THAP4: variants seen among roughly 807,000 people sequenced by gnomAD.
THAP4 encodes peroxynitrite isomerase THAP4.
In THAP4, 18 loss-of-function variants were observed where a neutral mutation model predicts 48.1. The observed-to-expected ratio is 0.37, with a 90% CI of 0.26 to 0.56. The LOEUF is 0.56. THAP4 is among the 20% of genes least tolerant of loss of function. The pLI is 0.78. For missense variants in THAP4, 656 were observed against 774.9 expected (o/e 0.85, Z 1.82); for synonymous variants, 345 against 324.9 (o/e 1.06, Z -0.66).
chr2:241,588,129 T>C (rs914760219), intron 5 of THAP4, among the ~76,000 whole-genome samples: 1 of 152,032 alleles, frequency 6.6e-6, no homozygotes, highest in Admixed American at 6.6e-5. Flanking sequence ...ACGAGATCAA[T>C]ATACAACAGC....
Position 241,601,760 on chromosome 2 carries a change from A to G in THAP4, c.1614+136T>C. 2.7e-6 allele frequency: 4 copies of G among 1,505,906 alleles called. No homozygotes were observed. The highest frequency in any genetic ancestry group is 3.6e-6 in the Non-Finnish European group (4 of 1,112,408). 93.3% of individuals were successfully genotyped at this position (1,505,906 alleles called of 1,614,324 possible). A position where few individuals can be genotyped will look rare whatever the true frequency, so the allele number is the denominator to read the frequency against. On this transcript the variant is annotated intron_variant, in intron 5 of 5. Coordinates refer to ENST00000407315, the MANE Select transcript of THAP4 (RefSeq NM_015963.6). The surrounding 1 kb of genome is among the most constrained non-coding windows in gnomAD (Gnocchi z 4.0). ...CACCCTGGATGGTCCGAGAAGGGAA[A>G]AGAAGGAGACAGTGAAGACAGGCCT...
intron 2 of THAP4, among the ~76,000 whole-genome samples, chr2:241,627,307 T>C (rs574719172): frequency 6.6e-6 from 1 of 152,324 alleles, no homozygotes; most frequent in African/African-American, 2.4e-5. Context: ...GAAAACAGAT[T>C]TTGAAGCAAG....
intron 2 of THAP4, among the ~76,000 whole-genome samples, chr2:241,614,036 C>T (rs982757305): frequency 2.6e-4 from 40 of 151,954 alleles, no homozygotes; most frequent in African/African-American, 9.4e-4. Flanking sequence ...TGTCTGTAGC[C>T]CCCGCTACTT....
chr2:241,628,242 A>T (rs755599334), intron 2 of THAP4, among the ~76,000 whole-genome samples: 1 of 150,132 alleles, frequency 6.7e-6, no homozygotes, highest in African/African-American at 2.4e-5. Context: ...CCCCTCTCTC[A>T]GCGAGGCCTG....
At chr2:241,596,998 A>G (rs995298493) in intron 5 of THAP4, among the ~76,000 whole-genome samples, 2 of 152,160 alleles carry the variant, frequency 1.3e-5, no homozygotes, top group African/African-American at 4.8e-5. Context: ...TTATAAACAT[A>G]TTTTTATTTT....
Position 241,595,425 on chromosome 2 carries a change from G to T in THAP4, c.1614+6471C>A, listed in dbSNP as rs576161651. Among the ~76,000 whole-genome samples, 172 of 152,090 alleles carry T rather than the reference G, an allele frequency of 1.1e-3. 1 individual carries two copies. The highest frequency in any genetic ancestry group is 3.7e-3 in the African/African-American group (155 of 41,520). ...GGCTGAGCTGGGCGGATCACCTAAG[G>T]TCAGGAGTTCAAGACCAGCCTGACC... On this transcript the variant is annotated intron_variant, in intron 5 of 5. Transcript: ENST00000407315.
intron 5 of THAP4, among the ~76,000 whole-genome samples, chr2:241,586,874 CAT>C (rs984681140): frequency 4.6e-5 from 7 of 152,128 alleles, no homozygotes; most frequent in Admixed American, 2.6e-4. Flanking sequence ...AGACTGAACA[CAT>C]GTGTAACCAG....
chr2:241,626,774 G>A (rs1381288292), intron 2 of THAP4, among the ~76,000 whole-genome samples: 1 of 152,054 alleles, frequency 6.6e-6, no homozygotes, highest in Non-Finnish European at 1.5e-5. Flanking sequence ...CTGTTGGCCA[G>A]GCTGGTCTCA....
upstream of THAP4, chr2:241,637,533 G>A (rs551422124): frequency 1.0e-5 from 15 of 1,449,640 alleles, no homozygotes; most frequent in African/African-American, 1.2e-4. Flanking sequence ...GCGCCCCGGG[G>A]CTCGCGTCGG....
At position 241,606,392 on chromosome 2, in the gene THAP4, G is replaced by A. The variant is rs903600185; in HGVS notation, c.1322C>T (p.Thr441Ile). 1 of 1,599,826 alleles carries A rather than the reference G, an allele frequency of 6.3e-7. No individual in the cohort carries two copies. The highest frequency in any genetic ancestry group is 8.5e-7 in the Non-Finnish European group (1 of 1,173,258). ...CTGGAAGGGCTGCAGTGTGGGGTAG[G>A]TCCCGGCTCCAGGTGGGTCCGACAG... ...TWLSDPPGAG[T>I]YPTLQPFQYL... Residue 441 changes from threonine (T) to isoleucine (I), a missense_variant, in exon 3 of 6, where the codon ACC becomes ATC. Thr to Ile is a moderately conservative substitution (Grantham distance 89, BLOSUM62 -1). This residue lies in a region of THAP4 where 176 missense variants were observed against 256.7 expected (regional missense o/e 0.69). Coordinates refer to ENST00000407315, the MANE Select transcript of THAP4 (RefSeq NM_015963.6).
chr2:241,585,917 AAAAAAAAAAAAAG>A lies in THAP4; in HGVS notation c.1615-1205_1615-1193del, dbSNP rs1431834479. ...GACAGAGCAAGACTCCTTCTCAAAA[AAAAAAAAAAAAAG>A]AAAAAAAAAAGAAAAAGAAAAAGAA... On this transcript the variant is annotated intron_variant, in intron 5 of 5. Transcript: ENST00000407315. Among the ~76,000 whole-genome samples, 553 of 143,068 alleles carry A rather than the reference AAAAAAAAAAAAAG, an allele frequency of 3.9e-3. 6 individuals carry two copies. Among genetic ancestry groups the A allele is most frequent in the Non-Finnish European group, 6.6e-3 (437 of 65,770 alleles). The allele number at this position is 143,068 out of a possible 152,430, so 93.9% of individuals were successfully genotyped here. A position where few individuals can be genotyped will look rare whatever the true frequency, so the allele number is the denominator to read the frequency against.
chr2:241,592,496 C>T (rs1327431938), intron 5 of THAP4, among the ~76,000 whole-genome samples: 1 of 152,208 alleles, frequency 6.6e-6, no homozygotes, highest in East Asian at 1.9e-4. Flanking sequence ...CCCTCGGCAG[C>T]TCACAGGCTC....
rs541322537 is a variant in THAP4 at position 241,625,894 on chromosome 2, G to A, written c.1240+7023C>T. Among the ~76,000 whole-genome samples, 30 of 150,500 alleles carry A rather than the reference G, an allele frequency of 2.0e-4. 1 individual carries two copies. The highest frequency in any genetic ancestry group is 6.8e-4 in the African/African-American group (28 of 40,920). On this transcript the variant is annotated intron_variant, in intron 2 of 5. Transcript: ENST00000407315. ...CAAAAATCTCTAAGAAAACATTTGC[G>A]ATTGAATAAAAAAAATGTATAAAAA...
chr2:241,636,503 G>C (rs2067659588), intron 1 of THAP4, among the ~76,000 whole-genome samples: 1 of 152,234 alleles, frequency 6.6e-6, no homozygotes, highest in Admixed American at 6.5e-5. Flanking sequence ...CCTGGGCTCG[G>C]GGGCCCAGTC....
Position 241,612,458 on chromosome 2 carries a change from A to G in THAP4, c.1241-5985T>C, listed in dbSNP as rs1226557726. On this transcript the variant is annotated intron_variant, in intron 2 of 5. Coordinates refer to ENST00000407315, the MANE Select transcript of THAP4 (RefSeq NM_015963.6). The surrounding 1 kb of genome is among the most constrained non-coding windows in gnomAD (Gnocchi z 4.1). The stretch of plus-strand genomic sequence containing the variant: ...CAGCAGAAATGACACACCTGTCCCC[A>G]CAGGACGCTGCCCATGAATGTTTAC... Among the ~76,000 whole-genome samples, 1 of 152,174 alleles carries G rather than the reference A, an allele frequency of 6.6e-6. No individual in the cohort carries two copies. The highest frequency in any genetic ancestry group is 1.5e-5 in the Non-Finnish European group (1 of 68,014).
upstream of THAP4, chr2:241,637,159 G>A: frequency 2.0e-6 from 2 of 987,090 alleles, no homozygotes; most frequent in African/African-American, 1.8e-5. Context: ...ACGGCAAGAT[G>A]GAGGCGCAGG....
At chr2:241,609,645 G>C (rs1412609140) in intron 2 of THAP4, among the ~76,000 whole-genome samples, 2 of 152,154 alleles carry the variant, frequency 1.3e-5, no homozygotes, top group Non-Finnish European at 2.9e-5. Context: ...AAATTAGCCG[G>C]GCGTGGTGGC....
At chr2:241,602,200 G>A (rs992607139) in intron 4 of THAP4, 7 of 605,008 alleles carry the variant, frequency 1.2e-5, no homozygotes, top group Non-Finnish European at 2.0e-5. Flanking sequence ...ACAGGCAGGT[G>A]CTCTATGGAA....
chr2:241,627,606 C>T (rs570330140), intron 2 of THAP4, among the ~76,000 whole-genome samples: 148 of 152,314 alleles, frequency 9.7e-4, no homozygotes, highest in Middle Eastern at 3.4e-3. Context: ...CACTGGCTAG[C>T]GAGCTGAATA....
Sources: gnomAD v4.1 joint callset for allele counts (sites outside exome capture counted in the v4.1 genomes callset) on GRCh38, gnomAD v4.1.1 for gene constraint, gnomAD v4.1.1 regional missense constraint, Gnocchi (gnomAD v3.1) non-coding constraint, MANE v1.5 for transcripts, NCBI Gene and HGNC (gene_info 2026-07-23, HGNC 2026-07-21) for gene names.